KIAA0825: variants seen among roughly 807,000 people sequenced by gnomAD.
The protein encoded by KIAA0825 is KIAA0825.
A neutral mutation model predicts 147.6 loss-of-function variants in KIAA0825; 119 were observed. That is an observed-to-expected ratio of 0.81 (90% CI 0.69 to 0.94). KIAA0825 has a LOEUF of 0.94. Among genes scored for constraint, KIAA0825 ranks in the 40% least tolerant of loss-of-function variants. KIAA0825 has a pLI of 0.00. For missense variants in KIAA0825, 1,381 were observed against 1,472.7 expected, an observed-to-expected ratio of 0.94 and a Z score of 1.02; for synonymous variants, 470 against 518.1, an observed-to-expected ratio of 0.91 and a Z score of 1.26.
intron 10 of KIAA0825, among the ~76,000 whole-genome samples, chr5:94,467,687 C>A (rs986484943): frequency 7.2e-5 from 11 of 152,232 alleles, no homozygotes; most frequent in Non-Finnish European, 5.9e-5. Context: ...TGCTGCATAT[C>A]TTGTAAATTA....
chr5:94,425,399 T>C (rs1217964866), intron 14 of KIAA0825, among the ~76,000 whole-genome samples: 1 of 152,122 alleles, frequency 6.6e-6, no homozygotes. Flanking sequence ...ATTACCTCAA[T>C]AGACAAAGAA....
intron 5 of KIAA0825, among the ~76,000 whole-genome samples, chr5:94,509,637 G>A (rs1450252953): frequency 6.6e-6 from 1 of 152,174 alleles, no homozygotes; most frequent in East Asian, 1.9e-4. Context: ...TGTCTCTTTG[G>A]AGAAAGTAAC....
At chr5:94,176,147 G>T (rs903755546) in intron 20 of KIAA0825, among the ~76,000 whole-genome samples, 2 of 152,086 alleles carry the variant, frequency 1.3e-5, no homozygotes, top group East Asian at 1.9e-4. Flanking sequence ...GATCCCTCAA[G>T]AAATAGATTA....
intron 1 of KIAA0825, among the ~76,000 whole-genome samples, chr5:94,608,445 G>GTA: frequency 2.9e-4 from 1 of 3,428 alleles, no homozygotes; most frequent in African/African-American, 1.3e-3. Flanking sequence ...GTGTGTATGT[G>GTA]TGTGTGTATA....
chr5:94,513,056 T>C (rs953964288), intron 5 of KIAA0825, among the ~76,000 whole-genome samples: 2 of 152,202 alleles, frequency 1.3e-5, no homozygotes, highest in African/African-American at 4.8e-5. Context: ...ATCTCATGTA[T>C]ACTTGTCCAC....
intron 20 of KIAA0825, among the ~76,000 whole-genome samples, chr5:94,321,808 T>A (rs1780224420): frequency 1.3e-5 from 2 of 151,950 alleles, no homozygotes; most frequent in Admixed American, 1.3e-4. Context: ...TTGGTTAAAA[T>A]CATATTTAAC....
At chr5:94,564,120 C>A (rs865834240) in intron 2 of KIAA0825, among the ~76,000 whole-genome samples, 2 of 152,118 alleles carry the variant, frequency 1.3e-5, no homozygotes, top group African/African-American at 4.8e-5. Flanking sequence ...AAAGGCTAAT[C>A]CATTGGCTCT....
At chr5:94,226,331 G>A (rs1774164754) in intron 20 of KIAA0825, among the ~76,000 whole-genome samples, 1 of 152,132 alleles carries the variant, frequency 6.6e-6, no homozygotes, top group South Asian at 2.1e-4. Context: ...TCTCATGCCA[G>A]TTAGAATGGC....
chr5:94,488,369 T>C (rs542192140), intron 5 of KIAA0825, among the ~76,000 whole-genome samples: 1 of 152,330 alleles, frequency 6.6e-6, no homozygotes, highest in African/African-American at 2.4e-5. Flanking sequence ...CTGTAAAATA[T>C]CTGACATAAT....
Position 94,473,462 on chromosome 5 carries a change from C to T in KIAA0825, c.1285G>A (p.Ala429Thr), listed in dbSNP as rs1470749859. The change falls in exon 8 of 21, where the codon GCG (alanine) becomes ACG (threonine). Residue 429 changes from alanine (A) to threonine (T), a missense_variant. Coordinates refer to ENST00000682413, the MANE Select transcript of KIAA0825 (RefSeq NM_001145678.3). Reference protein sequence around the residue: ...SAFKEVSLPMAHCVVTAIEGF... With the variant: ...SAFKEVSLPMTHCVVTAIEGF... Reference sequence around the variant, plus strand: ...TCAATTGCAGTTACTACGCAGTGCGCCATGGGAAGAGACACTTCTTTAAAT... The same window carrying T: ...TCAATTGCAGTTACTACGCAGTGCGTCATGGGAAGAGACACTTCTTTAAAT... 1 of 1,551,614 alleles carries T rather than the reference C, an allele frequency of 6.4e-7. No homozygotes were observed. The highest frequency in any genetic ancestry group is 1.4e-5 in the African/African-American group (1 of 73,028).
At chr5:94,556,563 G>T (rs1195334462) in intron 2 of KIAA0825, among the ~76,000 whole-genome samples, 1 of 151,992 alleles carries the variant, frequency 6.6e-6, no homozygotes, top group East Asian at 1.9e-4. Flanking sequence ...TATTAATGTG[G>T]TACTATTTTC....
chr5:94,445,613 G>A (rs1335551438), intron 13 of KIAA0825, among the ~76,000 whole-genome samples: 1 of 152,262 alleles, frequency 6.6e-6, no homozygotes, highest in South Asian at 2.1e-4. Flanking sequence ...AACTCAACGA[G>A]TATGCAAACC....
chr5:94,520,016 A>T, intron 5 of KIAA0825: 1 of 1,140,210 alleles, frequency 8.8e-7, no homozygotes, highest in Non-Finnish European at 1.1e-6. Context: ...TATTTAAAGT[A>T]TTTTTGGCTT....
At chr5:94,476,011 T>A (rs1584615086) in intron 7 of KIAA0825, among the ~76,000 whole-genome samples, 1 of 152,356 alleles carries the variant, frequency 6.6e-6, no homozygotes, top group African/African-American at 2.4e-5. Context: ...TTTTCTCTTC[T>A]ATGCACGAAG....
chr5:94,284,267 T>C (rs1007635107), intron 20 of KIAA0825, among the ~76,000 whole-genome samples: 4 of 152,228 alleles, frequency 2.6e-5, no homozygotes, highest in African/African-American at 9.6e-5. Context: ...TTATTAAAGG[T>C]GCCACTTTGA....
chr5:94,440,190 A>G, intron 13 of KIAA0825, 69 bp from the exon 14 acceptor site: 1 of 1,422,574 alleles, frequency 7.0e-7, no homozygotes, highest in Non-Finnish European at 9.6e-7. Context: ...GCCTTAAAGT[A>G]CAGATGTAAT....
At chr5:94,350,150 C>T (rs1231045486) in intron 20 of KIAA0825, among the ~76,000 whole-genome samples, 2 of 152,062 alleles carry the variant, frequency 1.3e-5, no homozygotes, top group Non-Finnish European at 1.5e-5. Context: ...ACTATGAACA[C>T]CTTTATGCAC....
intron 20 of KIAA0825, among the ~76,000 whole-genome samples, chr5:94,342,020 C>G (rs549559876): frequency 4.0e-5 from 6 of 151,884 alleles, no homozygotes. Context: ...GGTGAAACCC[C>G]GTCTCTACTA....
At chr5:94,425,545 A>G (rs1310513294) in intron 14 of KIAA0825, among the ~76,000 whole-genome samples, 1 of 152,114 alleles carries the variant, frequency 6.6e-6, no homozygotes, top group Non-Finnish European at 1.5e-5. Context: ...TCAAGACCAG[A>G]CTGGGCAACA....
Sources: allele counts gnomAD v4.1 joint callset (sites outside exome capture counted in the v4.1 genomes callset), GRCh38; gene constraint gnomAD v4.1.1; transcripts MANE v1.5; gene names NCBI Gene and HGNC (gene_info 2026-07-23, HGNC 2026-07-21).